Variants in FRMD4A observed in about 807,000 individuals in gnomAD.
FRMD4A encodes FERM domain containing 4A.
Under a neutral mutation model 129.1 loss-of-function variants are expected in FRMD4A, and 29 were observed. That is an observed-to-expected ratio of 0.22 (90% CI 0.17 to 0.31). FRMD4A has a LOEUF of 0.31. Ranked by LOEUF, FRMD4A falls within the 10% of genes least tolerant of loss-of-function variation. FRMD4A has a pLI of 1.00. For synonymous variants in FRMD4A, 634 were observed against 571.6 expected (o/e 1.11, Z -1.56); for missense variants, 1,272 against 1,375.8 (o/e 0.92, Z 1.19).
intron 2 of FRMD4A, among the ~76,000 whole-genome samples, chr10:14,273,266 A>G (rs1168643671): frequency 2.0e-5 from 3 of 152,064 alleles, no homozygotes; most frequent in South Asian, 2.1e-4. Context: ...CAGAAAAAAA[A>G]TATATATATC....
intron 2 of FRMD4A, among the ~76,000 whole-genome samples, chr10:13,976,641 T>C (rs2095543060): frequency 6.6e-6 from 1 of 152,160 alleles, no homozygotes; most frequent in Admixed American, 6.5e-5. Flanking sequence ...AAAACTCAGT[T>C]GCAAGTAATG....
chr10:14,269,953 G>A (rs1302080815), intron 2 of FRMD4A, among the ~76,000 whole-genome samples: 3 of 152,150 alleles, frequency 2.0e-5, no homozygotes, highest in Non-Finnish European at 4.4e-5. Flanking sequence ...TCCTCAGTGG[G>A]GCCCAGATGG....
intron 3 of FRMD4A, among the ~76,000 whole-genome samples, chr10:13,825,935 A>G (rs538335004): frequency 1.3e-5 from 2 of 152,332 alleles, no homozygotes; most frequent in African/African-American, 4.8e-5. Context: ...GCCAAGGGAT[A>G]ACTGTGCTGT....
At chr10:14,123,107 C>T (rs933867447) in intron 2 of FRMD4A, among the ~76,000 whole-genome samples, 1 of 105,158 alleles carries the variant, frequency 9.5e-6, no homozygotes, top group African/African-American at 3.7e-5. Flanking sequence ...ACCTTTTAAA[C>T]TATTTGCAAA....
At chr10:14,243,841 A>AC (rs1844139590) in intron 2 of FRMD4A, among the ~76,000 whole-genome samples, 1 of 151,874 alleles carries the variant, frequency 6.6e-6, no homozygotes. Flanking sequence ...TAAAAAAAAA[A>AC]AAAGGAGTAG....
At chr10:13,904,354 C>A (rs1182805939) in intron 2 of FRMD4A, among the ~76,000 whole-genome samples, 1 of 152,178 alleles carries the variant, frequency 6.6e-6, no homozygotes, top group Non-Finnish European at 1.5e-5. Context: ...TGGTTGACTC[C>A]CACTCACTCT....
At chr10:14,173,576 G>A (rs980047628) in intron 2 of FRMD4A, among the ~76,000 whole-genome samples, 3 of 152,048 alleles carry the variant, frequency 2.0e-5, no homozygotes, top group Admixed American at 2.0e-4. Flanking sequence ...AGGAGGAAGA[G>A]GAAGAGGAAA....
intron 17 of FRMD4A, among the ~76,000 whole-genome samples, chr10:13,669,921 G>A (rs1331101923): frequency 6.6e-6 from 1 of 152,226 alleles, no homozygotes; most frequent in African/African-American, 2.4e-5. Context: ...CATTCTTGGA[G>A]GGATGTGAGT....
At chr10:13,951,486 AAG>A (rs1253429858) in intron 2 of FRMD4A, among the ~76,000 whole-genome samples, 1 of 152,150 alleles carries the variant, frequency 6.6e-6, no homozygotes, top group African/African-American at 2.4e-5. Flanking sequence ...AAGCTGCTGA[AAG>A]AGGTGGAGTA....
chr10:14,328,125 A>G (rs1409666249), intron 2 of FRMD4A, among the ~76,000 whole-genome samples: 1 of 152,180 alleles, frequency 6.6e-6, no homozygotes, highest in Non-Finnish European at 1.5e-5. Context: ...GACTTTGATT[A>G]CACATGGTAC....
At chr10:14,010,777 T>C (rs1006144429) in intron 2 of FRMD4A, among the ~76,000 whole-genome samples, 11 of 149,756 alleles carry the variant, frequency 7.3e-5, no homozygotes, top group African/African-American at 2.4e-4. Context: ...CCCAAAGTGC[T>C]AGGATTACAG....
At chr10:13,876,017 T>A (rs570866018) in intron 2 of FRMD4A, among the ~76,000 whole-genome samples, 23 of 152,316 alleles carry the variant, frequency 1.5e-4, no homozygotes, top group African/African-American at 5.1e-4. Flanking sequence ...TCGGATTCAA[T>A]GGAAGGAAGA....
At chr10:13,900,363 G>A (rs762818317) in intron 2 of FRMD4A, among the ~76,000 whole-genome samples, 4 of 152,038 alleles carry the variant, frequency 2.6e-5, no homozygotes, top group Non-Finnish European at 5.9e-5. Context: ...TTTCTTGGCT[G>A]GGAATCATGA....
chr10:13,754,853 C>G (rs1438119730), intron 8 of FRMD4A, among the ~76,000 whole-genome samples: 1 of 152,154 alleles, frequency 6.6e-6, no homozygotes, highest in Non-Finnish European at 1.5e-5. Flanking sequence ...AAAGCCTCAG[C>G]AAGTCTATTT....
At chr10:13,912,346 AC>A (rs2094949513) in intron 2 of FRMD4A, among the ~76,000 whole-genome samples, 1 of 152,126 alleles carries the variant, frequency 6.6e-6, no homozygotes, top group African/African-American at 2.4e-5. Context: ...ACACAGAGGG[AC>A]CATGTGACCC....
intron 4 of FRMD4A, among the ~76,000 whole-genome samples, chr10:13,809,316 T>C (rs1319407145): frequency 6.6e-6 from 1 of 152,158 alleles, no homozygotes; most frequent in Non-Finnish European, 1.5e-5. Context: ...TCCTCTAGAG[T>C]TCACGGGATC....
intron 2 of FRMD4A, among the ~76,000 whole-genome samples, chr10:14,297,906 A>G (rs1846061171): frequency 6.6e-6 from 1 of 152,224 alleles, no homozygotes; most frequent in Non-Finnish European, 1.5e-5. Context: ...TGAAAAGCCA[A>G]GATCTTAACA....
At chr10:13,819,228 G>GT (rs1235423352) in intron 3 of FRMD4A, among the ~76,000 whole-genome samples, 3 of 152,082 alleles carry the variant, frequency 2.0e-5, no homozygotes, top group Non-Finnish European at 4.4e-5. Context: ...CCCAGCCCCA[G>GT]TTTACCTATC....
At chr10:13,836,732 C>A in intron 3 of FRMD4A, among the ~76,000 whole-genome samples, 1 of 149,902 alleles carries the variant, frequency 6.7e-6, no homozygotes, top group East Asian at 2.0e-4. Context: ...CAGGGGTCTT[C>A]ACTCCAGGGT....
Sources: allele counts gnomAD v4.1 joint callset (sites outside exome capture counted in the v4.1 genomes callset), GRCh38; gene constraint gnomAD v4.1.1; transcripts MANE v1.5; gene names NCBI Gene and HGNC (gene_info 2026-07-23, HGNC 2026-07-21).